Variants in TNRC6B observed in about 807,000 individuals in gnomAD.
TNRC6B encodes the protein trinucleotide repeat-containing gene 6B protein.
Under a neutral mutation model 203.6 loss-of-function variants are expected in TNRC6B, and 52 were observed. The observed-to-expected ratio is 0.26, with a 90% CI of 0.20 to 0.32. The LOEUF (loss-of-function observed/expected upper bound fraction) is 0.32, where lower values mean the gene tolerates loss of function less well. TNRC6B is among the 10% of genes least tolerant of loss of function. The pLI, the probability that TNRC6B is intolerant of heterozygous loss-of-function variation, is 1.00. For synonymous variants in TNRC6B, 838 were observed against 845.7 expected (o/e 0.99, Z 0.16); for missense variants, 1,923 against 2,286.2 (o/e 0.84, Z 3.24).
chr22:40,173,386 C>G (rs1324840077), upstream of TNRC6B, among the ~76,000 whole-genome samples: 1 of 150,792 alleles, frequency 6.6e-6, no homozygotes, highest in Non-Finnish European at 1.5e-5. Context: ...GCCATCACGC[C>G]TGGCCTAGTT....
chr22:40,302,589 T>A (rs1217845197), intron 15 of TNRC6B, among the ~76,000 whole-genome samples: 1 of 147,600 alleles, frequency 6.8e-6, no homozygotes, highest in Non-Finnish European at 1.5e-5. Flanking sequence ...GCTGAGATTG[T>A]GCCCCTGCAC....
intron 1 of TNRC6B, among the ~76,000 whole-genome samples, chr22:40,056,722 C>T (rs1034851093): frequency 6.7e-6 from 1 of 148,910 alleles, no homozygotes; most frequent in African/African-American, 2.5e-5. Context: ...TGCATGAGCC[C>T]AGGAGTTGGA....
chr22:40,151,656 T>G (rs1431448274), intron 3 of TNRC6B, among the ~76,000 whole-genome samples: 2 of 151,018 alleles, frequency 1.3e-5, no homozygotes, highest in African/African-American at 4.9e-5. Context: ...AAAAGGAATA[T>G]TCAAAGAACG....
intron 2 of TNRC6B, among the ~76,000 whole-genome samples, chr22:40,120,077 G>A (rs117568248): frequency 1.3e-5 from 2 of 152,302 alleles, no homozygotes; most frequent in Non-Finnish European, 2.9e-5. Context: ...ATTGACTGGA[G>A]GCCAGGAACT....
At chr22:40,154,860 A>AAAAATAT (rs1555885936) in intron 3 of TNRC6B, among the ~76,000 whole-genome samples, 5 of 23,590 alleles carry the variant, frequency 2.1e-4, no homozygotes, top group African/African-American at 3.3e-4. Context: ...AAAAAAAAAA[A>AAAAATAT]ATATATATAT....
rs775154948 is a variant in TNRC6B, at chr22:40,265,490, G to T, written c.1260G>T (p.Gly420=). 3 of 1,613,954 alleles carry T rather than the reference G, an allele frequency of 1.9e-6. No homozygotes were observed. Among genetic ancestry groups the T allele is most frequent in the East Asian group, 4.5e-5 (2 of 44,876 alleles). The change falls in exon 5 of 23, where the codon GGG becomes GGT. Residue 420 remains glycine, a synonymous_variant. Coordinates refer to ENST00000454349, the MANE Select transcript of TNRC6B (RefSeq NM_001162501.2). Reference sequence around the variant, plus strand: ...AAAGCACTGGAGATCGAAAGACTGGGAGTGTTGGATCTTGGGGTGCAGCTA... The same window carrying T: ...AAAGCACTGGAGATCGAAAGACTGGTAGTGTTGGATCTTGGGGTGCAGCTA... The part of the protein sequence containing the change: ...PSQSTGDRKT[G]SVGSWGAARG...
chr22:40,074,381 A>C (rs1462028529), intron 1 of TNRC6B, among the ~76,000 whole-genome samples: 6 of 152,034 alleles, frequency 3.9e-5, no homozygotes, highest in Non-Finnish European at 7.4e-5. Flanking sequence ...ATGGTGGCTC[A>C]TGACTGTAAT....
intron 5 of TNRC6B, among the ~76,000 whole-genome samples, chr22:40,269,887 CAA>C (rs34314387): frequency 2.8e-4 from 22 of 77,556 alleles, no homozygotes; most frequent in Admixed American, 5.4e-4. Flanking sequence ...GACTCTGTCT[CAA>C]AAAAAAAAAA....
rs1196485717 is a variant in TNRC6B, at chr22:40,332,802, A to T, written c.*9561A>T. 6.6e-6 allele frequency: 1 copy of T among 152,660 alleles called. No homozygotes were observed. The highest frequency in any genetic ancestry group is 1.5e-5 in the Non-Finnish European group (1 of 68,038). The allele number at this position is 152,660 out of a possible 1,614,324, so 9.5% of individuals were successfully genotyped here. A position where few individuals can be genotyped will look rare whatever the true frequency, so the allele number is the denominator to read the frequency against. On this transcript the variant is annotated 3_prime_UTR_variant, in exon 23 of 23. Coordinates refer to ENST00000454349, the MANE Select transcript of TNRC6B (RefSeq NM_001162501.2). ...CTGACATCAGTGGATTATCCTTTTT[A>T]AAATATGAACATGTAAATAGCAGGA...
intron 4 of TNRC6B, among the ~76,000 whole-genome samples, chr22:40,156,962 A>T (rs1048338718): frequency 2.6e-4 from 39 of 151,720 alleles, no homozygotes; most frequent in Admixed American, 1.4e-3. Context: ...TTTAGTAGAG[A>T]TGGGGTTTCA....
intron 1 of TNRC6B, among the ~76,000 whole-genome samples, chr22:40,100,320 C>A (rs769803734): frequency 6.6e-6 from 1 of 151,086 alleles, no homozygotes; most frequent in Non-Finnish European, 1.5e-5. Flanking sequence ...GAACTTCTGG[C>A]CTCAAGTGAT....
chr22:40,143,531 C>A (rs2068662636), intron 3 of TNRC6B, among the ~76,000 whole-genome samples: 1 of 152,038 alleles, frequency 6.6e-6, no homozygotes, highest in African/African-American at 2.4e-5. Context: ...GCTCTGTCAC[C>A]CAGGCTGAAG....
At chr22:40,233,448 C>T (rs1467738805) in intron 1 of TNRC6B, among the ~76,000 whole-genome samples, 1 of 151,858 alleles carries the variant, frequency 6.6e-6, no homozygotes, top group African/African-American at 2.4e-5. Context: ...ATGGCAAAAC[C>T]CCGTCTCTAC....
chr22:40,184,136 A>T (rs2069172572), intron 1 of TNRC6B, among the ~76,000 whole-genome samples: 1 of 152,170 alleles, frequency 6.6e-6, no homozygotes, highest in Admixed American at 6.5e-5. Context: ...TTAGAAAATG[A>T]TCTGTTTACT....
chr22:40,171,823 A>G (rs1005517924), intron 4 of TNRC6B, among the ~76,000 whole-genome samples: 3 of 151,698 alleles, frequency 2.0e-5, no homozygotes, highest in Admixed American at 1.3e-4. Context: ...CCTCCTGATC[A>G]TTTCTCTTGT....
At chr22:40,138,712 A>G (rs964402856) in intron 3 of TNRC6B, among the ~76,000 whole-genome samples, 1 of 152,200 alleles carries the variant, frequency 6.6e-6, no homozygotes, top group African/African-American at 2.4e-5. Context: ...AGCATATAGG[A>G]ATAGATGGGG....
intron 4 of TNRC6B, among the ~76,000 whole-genome samples, chr22:40,166,070 A>G (rs1405072499): frequency 2.0e-5 from 3 of 152,104 alleles, no homozygotes; most frequent in African/African-American, 7.2e-5. Flanking sequence ...TAGCCTGTCT[A>G]TGCATATTTT....
chr22:40,156,299 A>G, intron 4 of TNRC6B: 1 of 988,996 alleles, frequency 1.0e-6, no homozygotes, highest in Non-Finnish European at 1.5e-6. Flanking sequence ...TGGGGAACTC[A>G]CCAGTTGCTT....
chr22:40,145,080 A>AG (rs2068680180), intron 3 of TNRC6B, among the ~76,000 whole-genome samples: 1 of 151,716 alleles, frequency 6.6e-6, no homozygotes, highest in Admixed American at 6.6e-5. Context: ...AAAAAAAAAA[A>AG]AAAAAAATTT....
Sources: gnomAD v4.1 joint callset for allele counts (sites outside exome capture counted in the v4.1 genomes callset) on GRCh38, gnomAD v4.1.1 for gene constraint, MANE v1.5 for transcripts, NCBI Gene and HGNC (gene_info 2026-07-23, HGNC 2026-07-21) for gene names.